The following RBFOX1 variants were observed in gnomAD, a reference collection of about 807,000 sequenced individuals.
RBFOX1 encodes the protein RNA binding fox-1 homolog 1.
Under a neutral mutation model 57.7 loss-of-function variants are expected in RBFOX1, and 8 were observed. The ratio of observed to expected loss-of-function variants is 0.14; its 90% CI spans 0.08 to 0.25. The LOEUF (loss-of-function observed/expected upper bound fraction) is 0.25. RBFOX1 is among the 10% of genes least tolerant of loss of function. The pLI is 1.00. For missense variants in RBFOX1, 611 were observed against 548.5 expected, an observed-to-expected ratio of 1.11 and a Z score of -1.14; for synonymous variants, 326 against 222.4, an observed-to-expected ratio of 1.47 and a Z score of -4.15.
chr16:7,015,772 A>G (rs1453713323), intron 3 of RBFOX1, among the ~76,000 whole-genome samples: 1 of 151,584 alleles, frequency 6.6e-6, no homozygotes, highest in Non-Finnish European at 1.5e-5. Flanking sequence ...TTTTTTTCTT[A>G]AAGATTTTTT....
intron 4 of RBFOX1, among the ~76,000 whole-genome samples, chr16:7,382,585 A>C (rs556394234): frequency 6.6e-6 from 1 of 152,230 alleles, no homozygotes; most frequent in Non-Finnish European, 1.5e-5. Flanking sequence ...CAGTGAAGAT[A>C]CACATTTTAA....
intron 2 of RBFOX1, among the ~76,000 whole-genome samples, chr16:6,489,085 G>T (rs181604851): frequency 3.3e-5 from 5 of 152,058 alleles, no homozygotes; most frequent in African/African-American, 4.8e-5. Flanking sequence ...ATATGGCATG[G>T]GTCGTTGTGA....
chr16:6,424,341 T>C (rs1050169624), intron 2 of RBFOX1, among the ~76,000 whole-genome samples: 1 of 152,196 alleles, frequency 6.6e-6, no homozygotes, highest in Non-Finnish European at 1.5e-5. Flanking sequence ...AGGACAAGTA[T>C]CAAAGATAAA....
intron 4 of RBFOX1, among the ~76,000 whole-genome samples, chr16:7,313,661 C>T (rs1482941540): frequency 6.6e-6 from 1 of 151,874 alleles, no homozygotes; most frequent in Non-Finnish European, 1.5e-5. Flanking sequence ...TGCTTTGTGA[C>T]AAGCACACGA....
At chr16:6,049,329 A>T (rs977777595) in intron 1 of RBFOX1, among the ~76,000 whole-genome samples, 2 of 152,040 alleles carry the variant, frequency 1.3e-5, no homozygotes. Flanking sequence ...CTCCTTTAAA[A>T]AAAAAATTCT....
At chr16:6,796,095 C>G (rs374354234) in intron 3 of RBFOX1, among the ~76,000 whole-genome samples, 1 of 149,744 alleles carries the variant, frequency 6.7e-6, no homozygotes, top group African/African-American at 2.6e-5. Context: ...TACATTTCCA[C>G]GTGGCTGGGG....
intron 3 of RBFOX1, among the ~76,000 whole-genome samples, chr16:6,662,125 C>A (rs559595142): frequency 2.5e-4 from 17 of 68,078 alleles, no homozygotes; most frequent in African/African-American, 8.5e-4. Flanking sequence ...TTGCCGAGGG[C>A]TGGGGGCGGG....
intron 5 of RBFOX1, among the ~76,000 whole-genome samples, chr16:7,543,849 T>A (rs2083675431): frequency 6.6e-6 from 1 of 152,002 alleles, no homozygotes; most frequent in Non-Finnish European, 1.5e-5. Flanking sequence ...CTCTCCCGAG[T>A]AGCTGGGATT....
intron 1 of RBFOX1, among the ~76,000 whole-genome samples, chr16:5,359,954 A>C (rs778141842): frequency 6.6e-6 from 1 of 152,072 alleles, no homozygotes; most frequent in African/African-American, 2.4e-5. Context: ...CTCTGTCCTC[A>C]CCTCAGAATG....
chr16:5,255,932 A>T (rs2062581296), intron 1 of RBFOX1, among the ~76,000 whole-genome samples: 1 of 151,806 alleles, frequency 6.6e-6, no homozygotes, highest in East Asian at 1.9e-4. Context: ...TTGGCTATTA[A>T]TAGCTTCTAG....
At chr16:6,035,142 C>G (rs1049828630) in intron 1 of RBFOX1, among the ~76,000 whole-genome samples, 16 of 152,196 alleles carry the variant, frequency 1.1e-4, no homozygotes, top group Non-Finnish European at 1.5e-5. Flanking sequence ...TCCATGACAA[C>G]CAAAGACGTC....
intron 4 of RBFOX1, among the ~76,000 whole-genome samples, chr16:6,013,862 A>G (rs747981515): frequency 2.0e-5 from 3 of 150,176 alleles, no homozygotes; most frequent in Non-Finnish European, 3.0e-5. Flanking sequence ...TATGGCAAGG[A>G]AAAAAAAACA....
intron 3 of RBFOX1, among the ~76,000 whole-genome samples, chr16:6,750,594 C>T (rs1364781797): frequency 2.6e-5 from 4 of 152,210 alleles, no homozygotes; most frequent in Non-Finnish European, 4.4e-5. Context: ...CCTTGTTCAT[C>T]ACCATCAGAG....
At chr16:6,693,448 A>G (rs1426241898) in intron 3 of RBFOX1, among the ~76,000 whole-genome samples, 1 of 151,134 alleles carries the variant, frequency 6.6e-6, no homozygotes, top group Non-Finnish European at 1.5e-5. Context: ...CTTCACTACC[A>G]TCACCACCAT....
intron 5 of RBFOX1, among the ~76,000 whole-genome samples, chr16:7,522,016 A>T (rs766933197): frequency 6.6e-6 from 1 of 152,152 alleles, no homozygotes; most frequent in African/African-American, 2.4e-5. Flanking sequence ...GTGGGAATCA[A>T]TCTCCATTCC....
intron 3 of RBFOX1, among the ~76,000 whole-genome samples, chr16:6,794,525 G>C (rs367963121): frequency 2.6e-5 from 4 of 152,006 alleles, no homozygotes; most frequent in Admixed American, 2.6e-4. Context: ...CATTTTATAA[G>C]TTCCTAATTA....
intron 1 of RBFOX1, among the ~76,000 whole-genome samples, chr16:6,269,109 C>G (rs530448390): frequency 5.3e-5 from 8 of 152,180 alleles, no homozygotes; most frequent in African/African-American, 9.6e-5. Context: ...GCTATGTCAG[C>G]AAGAGGGACA....
chr16:6,286,172 C>A (rs2076889216), intron 1 of RBFOX1, among the ~76,000 whole-genome samples: 1 of 152,106 alleles, frequency 6.6e-6, no homozygotes, highest in African/African-American at 2.4e-5. Context: ...AGTGGGAGAG[C>A]TCGACTGACA....
chr16:6,998,731 C>G (rs187757833), intron 3 of RBFOX1, among the ~76,000 whole-genome samples: 6 of 152,218 alleles, frequency 3.9e-5, no homozygotes, highest in East Asian at 1.9e-4. Flanking sequence ...GTACAGAAAA[C>G]TTAATATATC....
Sources: allele counts gnomAD v4.1 joint callset (sites outside exome capture counted in the v4.1 genomes callset), GRCh38; gene constraint gnomAD v4.1.1; transcripts MANE v1.5; gene names NCBI Gene and HGNC (gene_info 2026-07-23, HGNC 2026-07-21).